PIK3CB: variants seen among roughly 807,000 people sequenced by gnomAD.
PIK3CB encodes the protein phosphatidylinositol-4,5-bisphosphate 3-kinase catalytic subunit beta.
In PIK3CB, 39 loss-of-function variants were observed where a neutral mutation model predicts 136.8. The observed-to-expected ratio is 0.29, with a 90% CI of 0.22 to 0.37. The LOEUF (loss-of-function observed/expected upper bound fraction) is 0.37, where lower values mean the gene tolerates loss of function less well. PIK3CB is among the 10% of genes least tolerant of loss of function. The pLI, the probability that PIK3CB is intolerant of heterozygous loss-of-function variation, is 1.00. For missense variants in PIK3CB, 868 were observed against 1,275.4 expected (o/e 0.68, Z 4.87); for synonymous variants, 428 against 436.6 (o/e 0.98, Z 0.25).
intron 1 of PIK3CB, among the ~76,000 whole-genome samples, chr3:138,824,740 A>AGG (rs1166697312): frequency 6.6e-6 from 1 of 151,710 alleles, no homozygotes. Context: ...CTCGGGGAGA[A>AGG]GGGGGGTCAC....
chr3:138,827,750 CG>C (rs1933847074), intron 1 of PIK3CB, among the ~76,000 whole-genome samples: 1 of 150,672 alleles, frequency 6.6e-6, no homozygotes, highest in Admixed American at 6.7e-5. Context: ...GAGGCCGAGG[CG>C]GGCGGATCAC....
At chr3:138,724,459 G>A (rs2044795416) in intron 8 of PIK3CB, among the ~76,000 whole-genome samples, 1 of 152,114 alleles carries the variant, frequency 6.6e-6, no homozygotes, top group African/African-American at 2.4e-5. Context: ...TATGGAGGAG[G>A]CTCCATTAAG....
intron 18 of PIK3CB, among the ~76,000 whole-genome samples, chr3:138,682,337 C>T (rs2043799229): frequency 1.3e-5 from 2 of 152,134 alleles, no homozygotes; most frequent in African/African-American, 4.8e-5. Context: ...TTATATTCTA[C>T]CTCCCGAGGC....
intron 1 of PIK3CB, among the ~76,000 whole-genome samples, chr3:138,822,840 T>TATATACATGAAATATATATACGAA (rs1933620120): frequency 6.2e-5 from 9 of 146,104 alleles, no homozygotes; most frequent in Non-Finnish European, 1.5e-5. Context: ...ATACAAAATA[T>TATATACATGAAATATATATACGAA]ATATACATGA....
At chr3:138,713,802 T>C (rs1481039771) in intron 9 of PIK3CB, among the ~76,000 whole-genome samples, 5 of 152,154 alleles carry the variant, frequency 3.3e-5, no homozygotes, top group African/African-American at 9.7e-5. Context: ...AAGTGAAACA[T>C]TTGACTGAAA....
chr3:138,788,964 CAAAAAAAA>C (rs57432821), intron 2 of PIK3CB, among the ~76,000 whole-genome samples: 2 of 89,492 alleles, frequency 2.2e-5, no homozygotes, highest in Non-Finnish European at 2.2e-5. Context: ...GACTTCGTCT[CAAAAAAAA>C]AAAAAAAAAA....
At chr3:138,731,115 T>A (rs958939358) in intron 8 of PIK3CB, among the ~76,000 whole-genome samples, 2 of 152,280 alleles carry the variant, frequency 1.3e-5, no homozygotes, top group African/African-American at 4.8e-5. Context: ...CCAAAACCCC[T>A]TTAATTCCAT....
At chr3:138,676,111 C>T (rs1422960061) in intron 19 of PIK3CB, among the ~76,000 whole-genome samples, 5 of 151,960 alleles carry the variant, frequency 3.3e-5, no homozygotes, top group African/African-American at 4.8e-5. Flanking sequence ...ATTCTTATAA[C>T]TTAACAATAA....
At chr3:138,792,120 G>A (rs2046057918) in intron 2 of PIK3CB, among the ~76,000 whole-genome samples, 1 of 152,052 alleles carries the variant, frequency 6.6e-6, no homozygotes, top group South Asian at 2.1e-4. Flanking sequence ...GCTTGAACCA[G>A]GGAAGTGGAA....
At chr3:138,737,401 A>C (rs2045133721) in intron 6 of PIK3CB, among the ~76,000 whole-genome samples, 1 of 145,964 alleles carries the variant, frequency 6.9e-6, no homozygotes, top group Non-Finnish European at 1.5e-5. Context: ...TCTCAAAAAA[A>C]AAAAAAAAAA....
chr3:138,711,912 C>G (rs908504499), intron 10 of PIK3CB, among the ~76,000 whole-genome samples: 3 of 151,504 alleles, frequency 2.0e-5, no homozygotes, highest in African/African-American at 7.3e-5. Context: ...AGTTTTGAGA[C>G]CAGCCTTGGC....
intron 10 of PIK3CB, among the ~76,000 whole-genome samples, chr3:138,708,521 A>C (rs1326725067): frequency 6.6e-6 from 1 of 151,900 alleles, no homozygotes; most frequent in Non-Finnish European, 1.5e-5. Context: ...TCAGCCTCCA[A>C]AAGTGCTGGA....
intron 2 of PIK3CB, among the ~76,000 whole-genome samples, chr3:138,796,095 A>T (rs1435670081): frequency 6.6e-6 from 1 of 152,096 alleles, no homozygotes; most frequent in East Asian, 1.9e-4. Context: ...TAAAAGATTC[A>T]TAATCTGCTG....
intron 1 of PIK3CB, among the ~76,000 whole-genome samples, chr3:138,827,255 G>T (rs182271102): frequency 2.6e-5 from 4 of 152,226 alleles, no homozygotes; most frequent in African/African-American, 9.6e-5. Flanking sequence ...GATTCAGGAC[G>T]CAGTGAACAA....
At chr3:138,830,431 T>C (rs1933975061) in intron 1 of PIK3CB, among the ~76,000 whole-genome samples, 1 of 151,964 alleles carries the variant, frequency 6.6e-6, no homozygotes, top group Non-Finnish European at 1.5e-5. Flanking sequence ...GCACGCCTTG[T>C]AATCCCAGCT....
At chr3:138,770,658 C>CG (rs2045787679) in intron 2 of PIK3CB, 1 of 148,548 alleles carries the variant, frequency 6.7e-6, no homozygotes, top group African/African-American at 2.5e-5. Context: ...TACAGTGAGT[C>CG]GGAAAAAAAA....
intron 21 of PIK3CB, among the ~76,000 whole-genome samples, chr3:138,661,471 G>A (rs993181525): frequency 2.0e-5 from 3 of 152,098 alleles, no homozygotes; most frequent in African/African-American, 7.2e-5. Flanking sequence ...TCTGGTAATA[G>A]GTTTCACCCA....
intron 1 of PIK3CB, among the ~76,000 whole-genome samples, chr3:138,801,393 T>TA (rs1559883879): frequency 3.3e-5 from 5 of 152,142 alleles, no homozygotes; most frequent in African/African-American, 1.2e-4. Context: ...AAATTACCTA[T>TA]ATTCAAAGTT....
At chr3:138,705,953 A>C (rs1403825879) in intron 11 of PIK3CB, among the ~76,000 whole-genome samples, 1 of 152,126 alleles carries the variant, frequency 6.6e-6, no homozygotes, top group East Asian at 1.9e-4. Flanking sequence ...GGGTCTCTCT[A>C]TGTTGTCCAG....
Sources: gnomAD v4.1 joint callset for allele counts (sites outside exome capture counted in the v4.1 genomes callset) on GRCh38, gnomAD v4.1.1 for gene constraint, MANE v1.5 for transcripts, NCBI Gene and HGNC (gene_info 2026-07-23, HGNC 2026-07-21) for gene names.